STRADA: variants seen among roughly 807,000 people sequenced by gnomAD.
STRADA encodes STE20 related adaptor alpha, also known as STE20-related kinase adapter protein alpha.
Under a neutral mutation model 55.0 loss-of-function variants are expected in STRADA, and 26 were observed. That is an observed-to-expected ratio of 0.47 (90% CI 0.35 to 0.66). The LOEUF is 0.66. STRADA is among the 30% of genes least tolerant of loss of function. STRADA has a pLI of 0.01. For missense variants in STRADA, 443 were observed against 549.7 expected, an observed-to-expected ratio of 0.81 and a Z score of 1.94; for synonymous variants, 197 against 210.9, an observed-to-expected ratio of 0.93 and a Z score of 0.57.
chr17:63,736,104 G>A (rs968141719), intron 1 of STRADA, among the ~76,000 whole-genome samples: 1 of 152,058 alleles, frequency 6.6e-6, no homozygotes, highest in East Asian at 1.9e-4. Flanking sequence ...ACTACGCCCG[G>A]CTGATTTTTG....
rs181658174 is a variant in STRADA, at chr17:63,731,900, T to C, written c.-44-3487A>G. Reference sequence around the variant, plus strand: ...TTTTTTATGAGACAGGGTTTCATTCTATTGCCCAGGTTAGAGTGCAGTGGC... The same window carrying C: ...TTTTTTATGAGACAGGGTTTCATTCCATTGCCCAGGTTAGAGTGCAGTGGC... On this transcript the variant is annotated intron_variant, in intron 1 of 12. Coordinates refer to ENST00000336174, the MANE Select transcript of STRADA (RefSeq NM_001003787.4). Among the ~76,000 whole-genome samples the C allele has an allele frequency of 7.6e-3, 1,152 of 152,334 alleles. 7 individuals are homozygous for C. Among genetic ancestry groups the C allele is most frequent in the Non-Finnish European group, 0.013 (894 of 68,026 alleles).
intron 8 of STRADA, among the ~76,000 whole-genome samples, chr17:63,708,894 T>C (rs1405157850): frequency 1.3e-5 from 2 of 152,246 alleles, no homozygotes; most frequent in African/African-American, 4.8e-5. Flanking sequence ...TGTAGGACTC[T>C]TGTAAAGTGT....
At chr17:63,732,822 T>G (rs1409537867) in intron 1 of STRADA, among the ~76,000 whole-genome samples, 1 of 152,172 alleles carries the variant, frequency 6.6e-6, no homozygotes, top group Non-Finnish European at 1.5e-5. Flanking sequence ...GCTCAAGTGA[T>G]TCTCCTACCT....
intron 1 of STRADA, among the ~76,000 whole-genome samples, chr17:63,734,122 A>T (rs1469885823): frequency 2.0e-5 from 3 of 152,248 alleles, no homozygotes; most frequent in African/African-American, 7.2e-5. Context: ...TAAATGTTCT[A>T]AATCTATTCC....
intron 4 of STRADA, among the ~76,000 whole-genome samples, chr17:63,721,770 G>A (rs1011138976): frequency 1.1e-4 from 17 of 151,770 alleles, no homozygotes; most frequent in Admixed American, 1.1e-3. Flanking sequence ...GGCAATATGA[G>A]CTCACAGGCA....
chr17:63,721,126 C>G (rs1010857306), intron 4 of STRADA, among the ~76,000 whole-genome samples: 9 of 150,954 alleles, frequency 6.0e-5, no homozygotes, highest in Admixed American at 3.3e-4. Context: ...GTAATCCCAG[C>G]ACTTTGGAAG....
Position 63,740,107 on chromosome 17 carries a change from T to TATATATATATATATACACAC in STRADA, c.-45+1633_-45+1634insGTGTGTATATATATATATAT, listed in dbSNP as rs1309095081. ...AACACTATATATATATATATATATA[T>TATATATATATATATACACAC]ACATACATACATATATATATACACA... On this transcript the variant is annotated intron_variant, in intron 1 of 12. Transcript: ENST00000336174. Among the ~76,000 whole-genome samples the TATATATATATATATACACAC allele has an allele frequency of 1.4e-4, 7 of 49,650 alleles. 1 individual carries two copies. The highest frequency in any genetic ancestry group is 3.8e-4 in the African/African-American group (4 of 10,546). The allele number at this position is 49,650 out of a possible 152,430, so 32.6% of individuals were successfully genotyped here.
rs575652608 is a variant in STRADA, at chr17:63,710,015, A to AATCCAG, written c.581+470_581+475dup. 1.5e-4 allele frequency among the ~76,000 whole-genome samples: 23 copies of AATCCAG among 151,534 alleles called. No homozygotes were observed. In the East Asian group the frequency reaches 3.1e-3, roughly 20 times the overall value. On this transcript the variant is annotated intron_variant, in intron 8 of 12. Transcript: ENST00000336174. ...TCTCCCAAGTCAGTGGCAAGGTCAG[A>AATCCAG]ATCCAGATCCTTCTCTCTTTTTTTT...
chr17:63,736,554 G>A (rs539000208), intron 1 of STRADA, among the ~76,000 whole-genome samples: 2 of 151,790 alleles, frequency 1.3e-5, no homozygotes, highest in South Asian at 4.2e-4. Flanking sequence ...CTTGAACTTG[G>A]GAGGCAGAGG....
At chr17:63,733,459 A>G (rs893356576) in intron 1 of STRADA, among the ~76,000 whole-genome samples, 1 of 151,882 alleles carries the variant, frequency 6.6e-6, no homozygotes, top group South Asian at 2.1e-4. Flanking sequence ...TTTCATCTCA[A>G]GTGGAACTGG....
At chr17:63,726,853 G>A (rs1274738002) in intron 2 of STRADA, 158 bp from the exon 3 acceptor site, 8 of 660,994 alleles carry the variant, frequency 1.2e-5, no homozygotes, top group Non-Finnish European at 2.0e-5. Flanking sequence ...ACAGAATCTT[G>A]AACTAAAAAC....
chr17:63,723,410 G>A lies in STRADA; in HGVS notation c.95-84C>T, dbSNP rs1377158356. ...TCAGAACAGCAATTATTGTACTTAGGACTACATTTATTAATAGAAACCACT... is the reference window on the plus strand; with the variant it reads ...TCAGAACAGCAATTATTGTACTTAGAACTACATTTATTAATAGAAACCACT... On this transcript the variant is annotated intron_variant, in intron 3 of 12. Coordinates refer to ENST00000336174, the MANE Select transcript of STRADA (RefSeq NM_001003787.4). 7.2e-6 allele frequency: 11 copies of A among 1,530,332 alleles called. No homozygotes were observed. The East Asian group carries it at 2.3e-4, about 31-fold the overall frequency. The allele number at this position is 1,530,332 out of a possible 1,614,324, so 94.8% of individuals were successfully genotyped here.
intron 10 of STRADA, 22 bp downstream of exon 10, chr17:63,706,613 A>C (rs1598156607): frequency 6.3e-7 from 1 of 1,592,696 alleles, no homozygotes. Flanking sequence ...GCAAGAAGGA[A>C]ACCGATGGGC....
At chr17:63,713,651 C>CT (rs372143780) in intron 5 of STRADA, 124 bp from the exon 6 acceptor site, 36,086 of 931,810 alleles carry the variant, frequency 0.039, no homozygotes, top group East Asian at 0.042. Context: ...ACTACTGTTA[C>CT]TTTTTTTTTT....
chr17:63,710,525 G>C lies in STRADA; in HGVS notation c.547C>G (p.Leu183Val). The C allele has an allele frequency of 1.2e-6, 2 of 1,613,876 alleles. No individual in the cohort carries two copies. The highest frequency in any genetic ancestry group is 1.7e-6 in the Non-Finnish European group (2 of 1,179,864). The change falls in exon 8 of 13, where the codon CTC becomes GTC. Residue 183 changes from leucine (L) to valine (V), a missense_variant. Leu to Val is a conservative substitution (Grantham distance 32). Transcript: ENST00000336174. ...AYILQGVLKA[L>V]DYIHHMGYVH... is the part of the protein sequence containing the mutation. The stretch of plus-strand genomic sequence containing the variant: ...TATCCCATGTGGTGGATGTAGTCGA[G>C]GGCCTTCAGCACCCCCTGCAGGATG...
chr17:63,732,251 C>T (rs1435528420), intron 1 of STRADA, among the ~76,000 whole-genome samples: 3 of 152,090 alleles, frequency 2.0e-5, no homozygotes, highest in African/African-American at 4.8e-5. Flanking sequence ...GCAGTCCACC[C>T]GCCTCGGCCT....
chr17:63,725,236 C>T (rs2037564795), intron 3 of STRADA, among the ~76,000 whole-genome samples: 1 of 151,968 alleles, frequency 6.6e-6, no homozygotes, highest in Non-Finnish European at 1.5e-5. Flanking sequence ...TGTCTCAAAA[C>T]AAAACAACAA....
In STRADA at chr17:63,706,617, G is replaced by A. The variant is rs373641243; in HGVS notation, c.858+18C>T. On this transcript the variant is annotated intron_variant, in intron 10 of 12. Coordinates refer to ENST00000336174, the MANE Select transcript of STRADA (RefSeq NM_001003787.4). ...AAGGCAAGCAGGCAAGAAGGAAACCGATGGGCGGCAGGCTTACCTGGGTGG... is the reference window on the plus strand; with the variant it reads ...AAGGCAAGCAGGCAAGAAGGAAACCAATGGGCGGCAGGCTTACCTGGGTGG... 1.6e-5 allele frequency: 26 copies of A among 1,597,696 alleles called. 1 individual carries two copies. The highest frequency in any genetic ancestry group is 4.5e-5 in the East Asian group (2 of 44,660).
intron 4 of STRADA, among the ~76,000 whole-genome samples, chr17:63,722,508 G>C (rs1489176314): frequency 1.3e-5 from 2 of 152,244 alleles, no homozygotes; most frequent in Non-Finnish European, 2.9e-5. Flanking sequence ...GGATCTGATA[G>C]AGAGGTGCTC....
Sources: allele counts gnomAD v4.1 joint callset (sites outside exome capture counted in the v4.1 genomes callset), GRCh38; gene constraint gnomAD v4.1.1; transcripts MANE v1.5; gene names NCBI Gene and HGNC (gene_info 2026-07-23, HGNC 2026-07-21).